The following GALNT13 variants were observed in gnomAD, a reference collection of about 807,000 sequenced individuals.
The protein encoded by GALNT13 is UDP-GalNAc:polypeptide N-acetylgalactosaminyltransferase 13.
Under a neutral mutation model 64.2 loss-of-function variants are expected in GALNT13, and 28 were observed. The observed-to-expected ratio is 0.44, with a 90% CI of 0.32 to 0.60. GALNT13 has a LOEUF of 0.60. GALNT13 is among the 20% of genes least tolerant of loss of function. The probability of loss-of-function intolerance (pLI) is 0.05; values close to 1 mark genes in which losing one functional copy is unlikely to be tolerated. For missense variants in GALNT13, 577 were observed against 669.8 expected (o/e 0.86, Z 1.53); for synonymous variants, 214 against 224.6 (o/e 0.95, Z 0.42).
chr2:153,475,175 C>G, the GALNT13 span, among the ~76,000 whole-genome samples: 1 of 152,114 alleles, frequency 6.6e-6, no homozygotes. Flanking sequence ...GCACACATTG[C>G]CTCATCTATA....
chr2:153,241,496 T>C, the GALNT13 span, among the ~76,000 whole-genome samples: 1 of 152,140 alleles, frequency 6.6e-6, no homozygotes, highest in Non-Finnish European at 1.5e-5. Flanking sequence ...AAGGATGATT[T>C]TCTTTTTGAA....
At chr2:153,718,375 C>G in the GALNT13 span, among the ~76,000 whole-genome samples, 5 of 151,160 alleles carry the variant, frequency 3.3e-5, no homozygotes, top group African/African-American at 1.2e-4. Flanking sequence ...TCACCCGTGT[C>G]TGTTCCTGCT....
At chr2:153,215,739 T>C in the GALNT13 span, among the ~76,000 whole-genome samples, 5 of 150,960 alleles carry the variant, frequency 3.3e-5, no homozygotes, top group East Asian at 9.7e-4. Context: ...TAGAAGGAAA[T>C]TCAAACTTAA....
the GALNT13 span, among the ~76,000 whole-genome samples, chr2:153,441,640 G>T: frequency 2.0e-5 from 3 of 152,144 alleles, no homozygotes; most frequent in African/African-American, 7.2e-5. Flanking sequence ...ATGGTTTGCA[G>T]TTCTCCTTGA....
At chr2:153,853,186 A>G in the GALNT13 span, among the ~76,000 whole-genome samples, 2 of 152,260 alleles carry the variant, frequency 1.3e-5, no homozygotes, top group South Asian at 2.1e-4. Flanking sequence ...TAGTCCTTCC[A>G]TGTTCTTCTG....
intron 8 of GALNT13, among the ~76,000 whole-genome samples, chr2:154,288,717 A>C (rs955245230): frequency 5.9e-5 from 9 of 152,202 alleles, no homozygotes; most frequent in African/African-American, 1.7e-4. Flanking sequence ...CATATCTCAC[A>C]TCCAGGTCTT....
chr2:153,576,048 A>G, the GALNT13 span, among the ~76,000 whole-genome samples: 1 of 152,098 alleles, frequency 6.6e-6, no homozygotes, highest in East Asian at 1.9e-4. Context: ...AATGCCCTGA[A>G]TTCCAGGAGC....
intron 2 of GALNT13, among the ~76,000 whole-genome samples, chr2:153,925,199 A>G (rs1391909542): frequency 7.2e-5 from 11 of 151,950 alleles, no homozygotes; most frequent in Non-Finnish European, 1.6e-4. Flanking sequence ...ATGTATTCAC[A>G]TATTTAATCC....
chr2:154,046,913 T>C (rs1251398952), intron 3 of GALNT13, among the ~76,000 whole-genome samples: 1 of 144,440 alleles, frequency 6.9e-6, no homozygotes, highest in East Asian at 2.2e-4. Context: ...AATATATTTC[T>C]GTTGTTTAGG....
the GALNT13 span, among the ~76,000 whole-genome samples, chr2:153,329,794 G>A: frequency 1.3e-5 from 2 of 152,100 alleles, no homozygotes; most frequent in Non-Finnish European, 2.9e-5. Flanking sequence ...GGCCCCATTT[G>A]TCAATTTTTG....
the GALNT13 span, among the ~76,000 whole-genome samples, chr2:153,333,143 C>T: frequency 3.9e-5 from 6 of 152,178 alleles, no homozygotes; most frequent in East Asian, 1.9e-4. Context: ...ACAGAATGGC[C>T]GACTGTATGC....
At chr2:154,083,822 T>A (rs566383024) in intron 3 of GALNT13, among the ~76,000 whole-genome samples, 2 of 151,778 alleles carry the variant, frequency 1.3e-5, no homozygotes, top group African/African-American at 4.8e-5. Context: ...GAAAGTGAAG[T>A]TTTAAAGAAA....
At chr2:153,747,308 T>G in the GALNT13 span, among the ~76,000 whole-genome samples, 3 of 151,994 alleles carry the variant, frequency 2.0e-5, no homozygotes, top group African/African-American at 7.2e-5. Context: ...TATTCATTCC[T>G]TTTATTTTTT....
chr2:153,292,879 C>T, the GALNT13 span, among the ~76,000 whole-genome samples: 6 of 152,198 alleles, frequency 3.9e-5, no homozygotes, highest in East Asian at 1.2e-3. Context: ...ATTTATATAT[C>T]TACATATATG....
At chr2:153,447,350 A>T in the GALNT13 span, among the ~76,000 whole-genome samples, 2 of 152,298 alleles carry the variant, frequency 1.3e-5, no homozygotes, top group African/African-American at 4.8e-5. Flanking sequence ...CCAAGGCAGG[A>T]CTGAGGGACA....
chr2:154,069,108 G>GA (rs924330686), intron 3 of GALNT13, among the ~76,000 whole-genome samples: 3 of 151,810 alleles, frequency 2.0e-5, no homozygotes, highest in African/African-American at 7.2e-5. Context: ...CCAAAAGGAA[G>GA]AAAAAGTCAA....
At chr2:153,663,404 C>T in the GALNT13 span, among the ~76,000 whole-genome samples, 1 of 152,192 alleles carries the variant, frequency 6.6e-6, no homozygotes, top group South Asian at 2.1e-4. Context: ...TGATAAGCTT[C>T]CTTGTAATGG....
At chr2:153,410,453 G>A in the GALNT13 span, among the ~76,000 whole-genome samples, 1 of 152,140 alleles carries the variant, frequency 6.6e-6, no homozygotes, top group African/African-American at 2.4e-5. Flanking sequence ...AAGAGTACAA[G>A]AGAGAGCTTT....
chr2:154,284,070 T>C (rs916972914), intron 8 of GALNT13, among the ~76,000 whole-genome samples: 1 of 152,172 alleles, frequency 6.6e-6, no homozygotes, highest in African/African-American at 2.4e-5. Flanking sequence ...ATAGAGACAA[T>C]CAAGTCAATT....
Sources: gnomAD v4.1 joint callset for allele counts (sites outside exome capture counted in the v4.1 genomes callset) on GRCh38, gnomAD v4.1.1 for gene constraint, MANE v1.5 for transcripts, NCBI Gene and HGNC (gene_info 2026-07-23, HGNC 2026-07-21) for gene names.